BMPR2: variants seen among roughly 807,000 people sequenced by gnomAD.
BMPR2 encodes the protein bone morphogenetic protein receptor type 2.
A neutral mutation model predicts 100.8 loss-of-function variants in BMPR2; 29 were observed. The observed-to-expected ratio is 0.29, with a 90% CI of 0.21 to 0.39. The LOEUF (loss-of-function observed/expected upper bound fraction) is 0.39, where lower values mean the gene tolerates loss of function less well. Among genes scored for constraint, BMPR2 ranks in the 10% least tolerant of loss-of-function variants. The pLI, the probability that BMPR2 is intolerant of heterozygous loss-of-function variation, is 1.00. For synonymous variants in BMPR2, 382 were observed against 442.3 expected, an observed-to-expected ratio of 0.86 and a Z score of 1.71; for missense variants, 1,011 against 1,274.5, an observed-to-expected ratio of 0.79 and a Z score of 3.15.
chr2:202,534,962 C>G (rs1236454005), intron 9 of BMPR2, among the ~76,000 whole-genome samples: 4 of 80,732 alleles, frequency 5.0e-5, no homozygotes, highest in Non-Finnish European at 8.0e-5. Flanking sequence ...TGACCCCCCC[C>G]ACCTCCTGGC....
chr2:202,424,993 C>T (rs530790335), intron 1 of BMPR2, among the ~76,000 whole-genome samples: 1 of 151,920 alleles, frequency 6.6e-6, no homozygotes, highest in African/African-American at 2.4e-5. Context: ...GAGTCTCGCT[C>T]TGTCGCCCGG....
At chr2:202,403,201 CCTCCCCTCCT>C (rs1445614051) in intron 1 of BMPR2, among the ~76,000 whole-genome samples, 1 of 141,946 alleles carries the variant, frequency 7.0e-6, no homozygotes, top group Admixed American at 7.1e-5. Flanking sequence ...CCTCCCCTCC[CCTCCCCTCCT>C]CTTTTCGAGA....
chr2:202,518,791 TA>T (rs771257949), intron 5 of BMPR2, 30 bp from the exon 6 acceptor site: 2 of 1,553,434 alleles, frequency 1.3e-6, no homozygotes, highest in Non-Finnish European at 1.8e-6. Context: ...ATTGTGATAT[TA>T]ATACCTTGCT....
intron 3 of BMPR2, among the ~76,000 whole-genome samples, chr2:202,512,211 C>A (rs563628595): frequency 6.6e-6 from 1 of 152,182 alleles, no homozygotes; most frequent in African/African-American, 2.4e-5. Context: ...AACTCTTTGC[C>A]GTAGAGGCAT....
At position 202,504,678 on chromosome 2, in the gene BMPR2, C is replaced by CTTTTTT. The variant is rs144161668; in HGVS notation, c.419-9025_419-9020dup. 4.4e-5 allele frequency among the ~76,000 whole-genome samples: 5 copies of CTTTTTT among 112,456 alleles called. 1 individual carries two copies. The highest frequency in any genetic ancestry group is 1.4e-4 in the African/African-American group (4 of 28,972). 73.8% of individuals were successfully genotyped at this position (112,456 alleles called of 152,430 possible). A position where few individuals can be genotyped will look rare whatever the true frequency, so the allele number is the denominator to read the frequency against. The stretch of plus-strand genomic sequence containing the variant: ...CAGGAGTTTTCCATCATAGTAGATT[C>CTTTTTT]TTTTTTTTTTTTTTTTTTTTTGAGA... On this transcript the variant is annotated intron_variant, in intron 3 of 12. Transcript: ENST00000374580.
intron 1 of BMPR2, among the ~76,000 whole-genome samples, chr2:202,452,641 C>G (rs1692012410): frequency 1.3e-5 from 2 of 152,096 alleles, no homozygotes; most frequent in African/African-American, 4.8e-5. Context: ...TCTAATAGTT[C>G]TTGTTAGTGG....
chr2:202,494,763 T>C (rs1692986166), intron 3 of BMPR2, among the ~76,000 whole-genome samples: 1 of 152,260 alleles, frequency 6.6e-6, no homozygotes, highest in Admixed American at 6.5e-5. Context: ...AGGAGTTTTC[T>C]AGTTAAAGGC....
intron 1 of BMPR2, among the ~76,000 whole-genome samples, chr2:202,444,792 T>C (rs926164977): frequency 3.3e-5 from 5 of 150,742 alleles, no homozygotes; most frequent in African/African-American, 5.0e-5. Context: ...TAGAAACTTA[T>C]TTATTTATTT....
chr2:202,399,584 A>G lies in BMPR2; in HGVS notation c.76+22034A>G, dbSNP rs189751850. 1.3e-4 allele frequency among the ~76,000 whole-genome samples: 20 copies of G among 152,368 alleles called. No individual in the cohort carries two copies. In the East Asian group the frequency reaches 3.5e-3, roughly 26 times the overall value. ...AAGAGTTTAAGCAGAGTAATTTCAT[A>G]ATCTAATTTTCATTTTTCAAAGACC... is the stretch of plus-strand genomic sequence containing the variant. On this transcript the variant is annotated intron_variant, in intron 1 of 12. Transcript: ENST00000374580.
At chr2:202,475,246 C>T (rs558183919) in intron 3 of BMPR2, 1 of 151,780 alleles carries the variant, frequency 6.6e-6, no homozygotes, top group Admixed American at 6.6e-5. Context: ...TTTGGCCAAG[C>T]TGGTCTCGAA....
chr2:202,520,228 C>T (rs1164773658), intron 7 of BMPR2, 27 bp downstream of exon 7: 3 of 1,512,922 alleles, frequency 2.0e-6, no homozygotes, highest in Non-Finnish European at 2.8e-6. Flanking sequence ...ATGAAATTGA[C>T]ACTCATGTGG....
intron 3 of BMPR2, among the ~76,000 whole-genome samples, chr2:202,487,973 G>A (rs1692813164): frequency 1.3e-5 from 2 of 152,222 alleles, no homozygotes; most frequent in South Asian, 2.1e-4. Context: ...CCCTTCCAAA[G>A]TGCTGGGATT....
chr2:202,397,486 A>G (rs1690676757), intron 1 of BMPR2, among the ~76,000 whole-genome samples: 1 of 151,330 alleles, frequency 6.6e-6, no homozygotes, highest in South Asian at 2.1e-4. Flanking sequence ...AAATGTAGGT[A>G]AGTGTAGGTT....
At chr2:202,460,420 T>A (rs1692203674) in intron 1 of BMPR2, among the ~76,000 whole-genome samples, 1 of 152,198 alleles carries the variant, frequency 6.6e-6, no homozygotes, top group Non-Finnish European at 1.5e-5. Flanking sequence ...GACATTAGAA[T>A]ATCCATGCTA....
chr2:202,475,566 G>A (rs1692529797), intron 3 of BMPR2, among the ~76,000 whole-genome samples: 1 of 152,084 alleles, frequency 6.6e-6, no homozygotes, highest in African/African-American at 2.4e-5. Context: ...TTTTCATTCT[G>A]AAGTTTTGCT....
chr2:202,551,221 A>G (rs769267698), intron 10 of BMPR2, among the ~76,000 whole-genome samples: 1 of 151,784 alleles, frequency 6.6e-6, no homozygotes, highest in Non-Finnish European at 1.5e-5. Context: ...GGGAGTTAAA[A>G]CCAGCTTTCC....
chr2:202,453,376 A>G (rs1692028036), intron 1 of BMPR2, among the ~76,000 whole-genome samples: 1 of 152,194 alleles, frequency 6.6e-6, no homozygotes, highest in African/African-American at 2.4e-5. Flanking sequence ...TTACTTCACC[A>G]TTGTTCACAA....
chr2:202,551,628 T>A (rs559962430), intron 10 of BMPR2, among the ~76,000 whole-genome samples: 81 of 152,310 alleles, frequency 5.3e-4, no homozygotes, highest in African/African-American at 1.8e-3. Context: ...AATGGGACTG[T>A]TTTTGATACT....
chr2:202,516,741 T>C (rs893422685), intron 5 of BMPR2, among the ~76,000 whole-genome samples: 1 of 152,122 alleles, frequency 6.6e-6, no homozygotes, highest in African/African-American at 2.4e-5. Context: ...TTTACAAGGC[T>C]GAAAGAAATA....
Sources: gnomAD v4.1 joint callset for allele counts (sites outside exome capture counted in the v4.1 genomes callset) on GRCh38, gnomAD v4.1.1 for gene constraint, MANE v1.5 for transcripts, NCBI Gene and HGNC (gene_info 2026-07-23, HGNC 2026-07-21) for gene names.